Variants in NCOA1 observed in about 807,000 individuals in gnomAD.
NCOA1 encodes the protein Hin-2 protein.
In NCOA1, 35 loss-of-function variants were observed where a neutral mutation model predicts 150.9. That is an observed-to-expected ratio of 0.23 (90% CI 0.18 to 0.31). The LOEUF is 0.31. NCOA1 is among the 10% of genes least tolerant of loss of function. The pLI, the probability that NCOA1 is intolerant of heterozygous loss-of-function variation, is 1.00. For missense variants in NCOA1, 1,491 were observed against 1,749.3 expected (o/e 0.85, Z 2.63); for synonymous variants, 590 against 630.0 (o/e 0.94, Z 0.95).
Position 24,769,026 on chromosome 2 carries a change from G to A in NCOA1, c.*635G>A, listed in dbSNP as rs971318158. 6 of 213,192 alleles carry A rather than the reference G, an allele frequency of 2.8e-5. No homozygotes were observed. The highest frequency in any genetic ancestry group is 1.5e-3 in the Middle Eastern group (1 of 664). The allele number at this position is 213,192 out of a possible 1,614,324, so 13.2% of individuals were successfully genotyped here. A position where few individuals can be genotyped will look rare whatever the true frequency, so the allele number is the denominator to read the frequency against. ...GCCTCCAGGAAAGAGGACGAAATGA[G>A]TATATTCACAGAGGAATCCAAAAAA... On this transcript the variant is annotated 3_prime_UTR_variant, in exon 23 of 23. Coordinates refer to ENST00000348332, the MANE Select transcript of NCOA1 (RefSeq NM_003743.5).
At chr2:24,658,993 A>C (rs374235669) in intron 5 of NCOA1, 1 of 495,624 alleles carries the variant, frequency 2.0e-6, no homozygotes, top group Non-Finnish European at 3.7e-6. Context: ...TTCAGATGCC[A>C]GCTTAGTCAT....
At chr2:24,558,209 A>T (rs1004806788) in intron 1 of NCOA1, among the ~76,000 whole-genome samples, 2 of 152,038 alleles carry the variant, frequency 1.3e-5, no homozygotes, top group Non-Finnish European at 2.9e-5. Flanking sequence ...ATGCAAGTTC[A>T]CTTGTTCTTT....
intron 11 of NCOA1, among the ~76,000 whole-genome samples, chr2:24,704,533 T>A (rs1673315230): frequency 6.6e-6 from 1 of 152,094 alleles, no homozygotes; most frequent in Non-Finnish European, 1.5e-5. Context: ...TCACAGCACT[T>A]TGGGATGCCA....
At chr2:24,575,048 A>G (rs534039787) in intron 2 of NCOA1, among the ~76,000 whole-genome samples, 13 of 150,464 alleles carry the variant, frequency 8.6e-5, no homozygotes, top group Non-Finnish European at 1.3e-4. Context: ...ATTTGAAAAA[A>G]TTATGCTCAT....
At chr2:24,499,133 A>T (rs1822299) in intron 1 of NCOA1, among the ~76,000 whole-genome samples, 4 of 152,190 alleles carry the variant, frequency 2.6e-5, no homozygotes, top group African/African-American at 9.6e-5. Flanking sequence ...ATTTATTAAC[A>T]TATTCATTTT....
chr2:24,565,728 A>G (rs1666473775), intron 2 of NCOA1, among the ~76,000 whole-genome samples: 1 of 152,184 alleles, frequency 6.6e-6, no homozygotes, highest in Non-Finnish European at 1.5e-5. Context: ...GCGGAGCAGC[A>G]GGGGGTGTGT....
intron 1 of NCOA1, among the ~76,000 whole-genome samples, chr2:24,550,019 C>T (rs1319776381): frequency 6.6e-6 from 1 of 152,168 alleles, no homozygotes; most frequent in African/African-American, 2.4e-5. Context: ...GGCAACATGC[C>T]ACCAATCTTT....
chr2:24,644,629 C>G (rs568483062), intron 4 of NCOA1, among the ~76,000 whole-genome samples: 65 of 152,002 alleles, frequency 4.3e-4, no homozygotes, highest in African/African-American at 1.4e-3. Context: ...CTGAATAGAA[C>G]CAGTATATCC....
intron 1 of NCOA1, among the ~76,000 whole-genome samples, chr2:24,554,008 C>T (rs559632268): frequency 2.0e-5 from 3 of 152,152 alleles, no homozygotes; most frequent in Non-Finnish European, 4.4e-5. Flanking sequence ...AGAATATTCC[C>T]TAATTATCCC....
intron 4 of NCOA1, among the ~76,000 whole-genome samples, chr2:24,648,878 A>G (rs10865305): frequency 0.81 from 123,578 of 151,870 alleles, 51,955 homozygotes; most frequent in East Asian, 0.99. Flanking sequence ...CTGATCTGGG[A>G]CTGAATTCTT....
chr2:24,574,163 G>A (rs1419895694), intron 2 of NCOA1, among the ~76,000 whole-genome samples: 1 of 152,010 alleles, frequency 6.6e-6, no homozygotes, highest in Non-Finnish European at 1.5e-5. Context: ...TTGTAAAGCA[G>A]ATATAAGAAT....
At chr2:24,679,579 T>A (rs1672071664) in intron 7 of NCOA1, among the ~76,000 whole-genome samples, 1 of 152,254 alleles carries the variant, frequency 6.6e-6, no homozygotes, top group Non-Finnish European at 1.5e-5. Flanking sequence ...TTTAAAGAAG[T>A]TTCAGGTCTA....
chr2:24,609,554 G>T (rs1333284477), intron 3 of NCOA1, among the ~76,000 whole-genome samples: 1 of 152,086 alleles, frequency 6.6e-6, no homozygotes, highest in Non-Finnish European at 1.5e-5. Context: ...GGAGTTAAAA[G>T]GCTGCAGTGT....
chr2:24,728,507 A>T, intron 16 of NCOA1, 31 bp downstream of exon 16: 7 of 1,579,494 alleles, frequency 4.4e-6, no homozygotes, highest in Non-Finnish European at 5.2e-6. Flanking sequence ...TATTTAACTG[A>T]TGGAGCCCTA....
intron 4 of NCOA1, among the ~76,000 whole-genome samples, chr2:24,650,752 G>T (rs1039624889): frequency 1.3e-5 from 2 of 152,084 alleles, no homozygotes; most frequent in African/African-American, 4.8e-5. Flanking sequence ...GTAAGTAAAA[G>T]CCACTTTATC....
rs1670352837 is a variant in NCOA1, at chr2:24,644,044, C to G, written c.-96C>G. 6.6e-6 allele frequency: 1 copy of G among 152,098 alleles called. No homozygotes were observed. Among genetic ancestry groups the G allele is most frequent in the Non-Finnish European group, 1.5e-5 (1 of 68,026 alleles). The allele number at this position is 152,098 out of a possible 1,614,324, so 9.4% of individuals were successfully genotyped here. ...TCTGGAAAACATCATTATCCCATTCCCCGGGAAGCTACCCTCTGGAACTCA... is the reference window on the plus strand; with the variant it reads ...TCTGGAAAACATCATTATCCCATTCGCCGGGAAGCTACCCTCTGGAACTCA... On this transcript the variant is annotated 5_prime_UTR_variant, in exon 4 of 23. Transcript: ENST00000348332.
intron 14 of NCOA1, among the ~76,000 whole-genome samples, chr2:24,718,050 C>G (rs1674143922): frequency 6.6e-6 from 1 of 152,022 alleles, no homozygotes; most frequent in Non-Finnish European, 1.5e-5. Flanking sequence ...GTGTGCACCA[C>G]TATGCCTGGA....
chr2:24,560,396 C>G (rs541743084), intron 1 of NCOA1, among the ~76,000 whole-genome samples: 1 of 152,152 alleles, frequency 6.6e-6, no homozygotes, highest in Non-Finnish European at 1.5e-5. Context: ...GACCTCCACT[C>G]TTTGTTAGAC....
At chr2:24,655,443 C>A (rs1670895642) in intron 4 of NCOA1, among the ~76,000 whole-genome samples, 1 of 152,110 alleles carries the variant, frequency 6.6e-6, no homozygotes, top group Non-Finnish European at 1.5e-5. Flanking sequence ...AATCTATGAA[C>A]ACTTGATTGG....
Sources: allele counts gnomAD v4.1 joint callset (sites outside exome capture counted in the v4.1 genomes callset), GRCh38; gene constraint gnomAD v4.1.1; transcripts MANE v1.5; gene names NCBI Gene and HGNC (gene_info 2026-07-23, HGNC 2026-07-21).